The following SEMA4D variants were observed in gnomAD, a reference collection of about 807,000 sequenced individuals.
SEMA4D encodes the protein semaphorin-4D.
SEMA4D carries 22 observed loss-of-function variants against 74.8 expected under a neutral mutation model. That is an observed-to-expected ratio of 0.29 (90% confidence interval 0.21 to 0.42). SEMA4D has a LOEUF of 0.42. Among genes scored for constraint, SEMA4D ranks in the 10% least tolerant of loss-of-function variants. SEMA4D has a pLI of 1.00. For synonymous variants in SEMA4D, 445 were observed against 463.7 expected, an observed-to-expected ratio of 0.96 and a Z score of 0.52; for missense variants, 937 against 1,118.4, an observed-to-expected ratio of 0.84 and a Z score of 2.31.
chr9:89,363,958 C>T (rs1833162482), intron 16 of SEMA4D: 2 of 1,614,068 alleles, frequency 1.2e-6, no homozygotes, highest in Admixed American at 1.7e-5. Context: ...GACCTGGGGA[C>T]ACAGACCGTT....
chr9:89,445,742 G>C (rs560911871), intron 2 of SEMA4D, among the ~76,000 whole-genome samples: 30 of 152,290 alleles, frequency 2.0e-4, no homozygotes, highest in African/African-American at 7.0e-4. Flanking sequence ...GGGAAGCCGG[G>C]TCTTTTTGTT....
In SEMA4D at chr9:89,495,440, G is replaced by A. The variant is rs1333890236; in HGVS notation, c.-310+2479C>T. 5.3e-5 allele frequency among the ~76,000 whole-genome samples: 8 copies of A among 152,242 alleles called. No individual in the cohort carries two copies. The South Asian group carries it at 6.2e-4, about 12-fold the overall frequency. On this transcript the variant is annotated intron_variant, in intron 1 of 15. Transcript: ENST00000422704. ...CCTCCAGCAGCCCTGGACCCTGGAC[G>A]GCAATGGTGATGGGGATGGGGATGC...
rs146830410 is a variant in SEMA4D, at chr9:89,377,291, G to A, written c.*1413C>T. ...ACTTTCCAAATGTATACAATTCAAA[G>A]TAGAAAAATAAAAACAAGGTAAATC... is the stretch of plus-strand genomic sequence containing the variant. On this transcript the variant is annotated 3_prime_UTR_variant, in exon 16 of 16. Transcript: ENST00000422704. The A allele has an allele frequency of 3.7e-4, 182 of 486,208 alleles. 2 individuals carry two copies. In the East Asian group the frequency reaches 6.5e-3, roughly 17 times the overall value. 30.1% of individuals were successfully genotyped at this position (486,208 alleles called of 1,614,324 possible).
At chr9:89,384,029 T>C (rs1837826136) in intron 13 of SEMA4D, among the ~76,000 whole-genome samples, 1 of 152,180 alleles carries the variant, frequency 6.6e-6, no homozygotes, top group African/African-American at 2.4e-5. Flanking sequence ...TCTAAGTGCC[T>C]TCCTTGCCCT....
chr9:89,479,797 G>A (rs112060251), intron 1 of SEMA4D: 41,074 of 162,154 alleles, frequency 0.25, 5,214 homozygotes, highest in Middle Eastern at 0.31. Context: ...GAGTGTTACA[G>A]CTCATAAAAG....
intron 9 of SEMA4D, among the ~76,000 whole-genome samples, chr9:89,390,116 A>C (rs902177498): frequency 6.6e-6 from 1 of 152,122 alleles, no homozygotes; most frequent in Admixed American, 6.5e-5. Context: ...CCTGCTGCAA[A>C]CCCTCAGTGC....
chr9:89,408,554 C>T (rs1231509291), intron 2 of SEMA4D, among the ~76,000 whole-genome samples: 4 of 152,258 alleles, frequency 2.6e-5, no homozygotes, highest in African/African-American at 9.6e-5. Context: ...AAACATCATA[C>T]AGCCAGTGAG....
chr9:89,442,899 G>A (rs1437036180), intron 2 of SEMA4D, among the ~76,000 whole-genome samples: 1 of 152,192 alleles, frequency 6.6e-6, no homozygotes, highest in East Asian at 1.9e-4. Context: ...TGCAAACCTG[G>A]GCCCCGGGCC....
chr9:89,395,801 A>G (rs1840835556), intron 6 of SEMA4D, among the ~76,000 whole-genome samples: 1 of 152,216 alleles, frequency 6.6e-6, no homozygotes, highest in Non-Finnish European at 1.5e-5. Flanking sequence ...TAATGAGGCC[A>G]TACGTTGTCT....
chr9:89,403,083 G>A (rs1842552906), intron 3 of SEMA4D, 67 bp from the exon 4 acceptor site: 23 of 1,551,912 alleles, frequency 1.5e-5, no homozygotes, highest in Non-Finnish European at 2.0e-5. Context: ...TTTTAAACCT[G>A]AGCACATCCT....
At chr9:89,476,704 T>G (rs1258600234) in intron 1 of SEMA4D, among the ~76,000 whole-genome samples, 1 of 152,166 alleles carries the variant, frequency 6.6e-6, no homozygotes, top group African/African-American at 2.4e-5. Context: ...CACACACCCA[T>G]TAGTTTCACT....
At chr9:89,421,218 C>T (rs1240775030) in intron 2 of SEMA4D, among the ~76,000 whole-genome samples, 1 of 152,228 alleles carries the variant, frequency 6.6e-6, no homozygotes, top group Non-Finnish European at 1.5e-5. Flanking sequence ...GCTCAATCTC[C>T]TCATCCTGGC....
chr9:89,493,956 TTTAA>T (rs1342167565), intron 1 of SEMA4D, among the ~76,000 whole-genome samples: 3 of 152,198 alleles, frequency 2.0e-5, no homozygotes, highest in African/African-American at 7.2e-5. Context: ...TGTACTATTA[TTTAA>T]TTGTCAGGGT....
chr9:89,477,762 G>A (rs970965356), intron 1 of SEMA4D, among the ~76,000 whole-genome samples: 1 of 152,136 alleles, frequency 6.6e-6, no homozygotes, highest in East Asian at 1.9e-4. Context: ...TTTGCTTTCT[G>A]TCTTCATTTT....
At chr9:89,385,039 C>G in intron 13 of SEMA4D, 1 of 985,390 alleles carries the variant, frequency 1.0e-6, no homozygotes, top group Non-Finnish European at 1.2e-6. Flanking sequence ...AAGCGCTTCC[C>G]CAAACCCACT....
chr9:89,459,867 T>C (rs1209953601), intron 1 of SEMA4D, among the ~76,000 whole-genome samples: 2 of 152,200 alleles, frequency 1.3e-5, no homozygotes, highest in Non-Finnish European at 2.9e-5. Flanking sequence ...ATTCAGTTAC[T>C]AAATAACACA....
chr9:89,396,825 A>C lies in SEMA4D; in HGVS notation c.326T>G (p.Leu109Arg). Residue 109 changes from leucine (L) to arginine (R), a missense_variant, in exon 6 of 16, where the codon CTC becomes CGC. Leu to Arg is a moderately radical substitution (Grantham distance 102, BLOSUM62 -2). Transcript: ENST00000422704. ...TGGCTGCAGCACCCGGATGTAGTTG[A>C]GGCACTCTGTCTGCAGGGAAGAGAA... ...EKGKSKQTEC[L>R]NYIRVLQPLS... 1 of 1,613,530 alleles carries C rather than the reference A, an allele frequency of 6.2e-7. No individual in the cohort carries two copies. The highest frequency in any genetic ancestry group is 1.1e-5 in the South Asian group (1 of 90,952).
intron 2 of SEMA4D, among the ~76,000 whole-genome samples, chr9:89,416,819 C>A (rs528995498): frequency 1.3e-5 from 2 of 152,314 alleles, no homozygotes; most frequent in Non-Finnish European, 2.9e-5. Context: ...AGTCAGTAGA[C>A]CAAAAATTGA....
chr9:89,451,363 T>C (rs1854463170), intron 2 of SEMA4D, among the ~76,000 whole-genome samples: 1 of 152,216 alleles, frequency 6.6e-6, no homozygotes. Context: ...ATGAAATGGA[T>C]CCTCATTTGT....
Sources: allele counts gnomAD v4.1 joint callset (sites outside exome capture counted in the v4.1 genomes callset), GRCh38; gene constraint gnomAD v4.1.1; transcripts MANE v1.5; gene names NCBI Gene and HGNC (gene_info 2026-07-23, HGNC 2026-07-21).